Variants in ITGB1 observed in about 807,000 individuals in gnomAD.
ITGB1 encodes the protein integrin subunit beta 1.
ITGB1 carries 24 observed loss-of-function variants against 86.5 expected under a neutral mutation model. The ratio of observed to expected loss-of-function variants is 0.28; its 90% CI spans 0.20 to 0.39. ITGB1 has a LOEUF of 0.39. ITGB1 is among the 10% of genes least tolerant of loss of function. The pLI, the probability that ITGB1 is intolerant of heterozygous loss-of-function variation, is 1.00. For missense variants in ITGB1, 556 were observed against 946.9 expected (o/e 0.59, Z 5.42); for synonymous variants, 323 against 316.8 (o/e 1.02, Z -0.21).
At chr10:32,952,583 G>A (rs570057022) in intron 1 of ITGB1, among the ~76,000 whole-genome samples, 8 of 152,212 alleles carry the variant, frequency 5.3e-5, no homozygotes, top group South Asian at 2.1e-4. Flanking sequence ...CATAGATTAC[G>A]AAAGCTTAAG....
chr10:32,938,706 C>T (rs1163994412), intron 1 of ITGB1, among the ~76,000 whole-genome samples: 5 of 152,346 alleles, frequency 3.3e-5, no homozygotes, highest in South Asian at 2.1e-4. Flanking sequence ...TGTCAACGAT[C>T]CTGCGACTGG....
At chr10:32,926,294 T>C (rs1001885366) in intron 5 of ITGB1, among the ~76,000 whole-genome samples, 185 bp from the exon 6 acceptor site, 1 of 152,196 alleles carries the variant, frequency 6.6e-6, no homozygotes, top group African/African-American at 2.4e-5. Context: ...TAGGAAGTGG[T>C]TCCTTTGGAA....
At chr10:32,942,532 T>C (rs985323748) in intron 1 of ITGB1, among the ~76,000 whole-genome samples, 1 of 152,196 alleles carries the variant, frequency 6.6e-6, no homozygotes, top group African/African-American at 2.4e-5. Context: ...TTATAGCTAT[T>C]GCACCTAGAA....
At chr10:32,907,425 T>G (rs1261231916) in intron 15 of ITGB1, among the ~76,000 whole-genome samples, 3 of 152,192 alleles carry the variant, frequency 2.0e-5, no homozygotes, top group Non-Finnish European at 4.4e-5. Flanking sequence ...GACTCCATAT[T>G]TCAAAGCACT....
chr10:32,934,605 A>G (rs72784080), intron 2 of ITGB1, among the ~76,000 whole-genome samples: 11,009 of 152,310 alleles, frequency 0.072, 600 homozygotes, highest in South Asian at 0.25. Flanking sequence ...TGCTCATTTC[A>G]TAAGTGTAAA....
intron 11 of ITGB1, among the ~76,000 whole-genome samples, chr10:32,917,455 C>G (rs1251490136): frequency 6.6e-6 from 1 of 152,106 alleles, no homozygotes; most frequent in Non-Finnish European, 1.5e-5. Flanking sequence ...TGACAAAGGG[C>G]TAATATCCAG....
Position 32,929,841 on chromosome 10 carries a change from C to T in ITGB1, c.357G>A (p.Leu119=). ...CCATACCTGATCTTAATCGCAAAAC[C>T]AACTGCTGTGGTTGGATCTGAGTAA... The part of the protein sequence containing the change: ...EDITQIQPQQ[L]VLRLRSGEPQ... The change falls in exon 4 of 16, where the codon TTG becomes TTA. Residue 119 remains leucine (L), a synonymous_variant. Transcript: ENST00000302278. 1.2e-6 allele frequency: 2 copies of T among 1,609,824 alleles called. No homozygotes were observed. The highest frequency in any genetic ancestry group is 1.7e-6 in the Non-Finnish European group (2 of 1,176,206).
chr10:32,938,173 G>C (rs915509274), intron 1 of ITGB1, among the ~76,000 whole-genome samples: 1 of 152,164 alleles, frequency 6.6e-6, no homozygotes, highest in Non-Finnish European at 1.5e-5. Flanking sequence ...TGTCTAAAAG[G>C]TTTAGTGTGT....
chr10:32,920,108 C>G (rs755977363), intron 10 of ITGB1, 24 bp from the exon 11 acceptor site: 1 of 1,594,708 alleles, frequency 6.3e-7, no homozygotes, highest in Non-Finnish European at 8.6e-7. Flanking sequence ...AAAAGATTAA[C>G]AACCAACTAA....
At chr10:32,948,760 T>C (rs1387392758) in intron 1 of ITGB1, among the ~76,000 whole-genome samples, 2 of 152,140 alleles carry the variant, frequency 1.3e-5, no homozygotes, top group African/African-American at 2.4e-5. Flanking sequence ...GCCAACCCCT[T>C]GATAATGGAC....
At chr10:32,915,455 G>A (rs1593859964) in intron 11 of ITGB1, among the ~76,000 whole-genome samples, 2 of 152,022 alleles carry the variant, frequency 1.3e-5, no homozygotes, top group African/African-American at 2.4e-5. Flanking sequence ...GAATCAAATA[G>A]ATGCAATAAA....
intron 9 of ITGB1, among the ~76,000 whole-genome samples, chr10:32,921,799 T>C (rs961273526): frequency 6.6e-6 from 1 of 151,902 alleles, no homozygotes; most frequent in African/African-American, 2.4e-5. Context: ...TATATATGAG[T>C]GTGTACCTCC....
At chr10:32,925,774 A>T in intron 6 of ITGB1, 97 bp downstream of exon 6, 2 of 795,824 alleles carry the variant, frequency 2.5e-6, no homozygotes, top group South Asian at 3.3e-5. Context: ...ATCTATGAAA[A>T]TTAAGGTCAA....
At position 32,908,586 on chromosome 10, in the gene ITGB1, T is replaced by C. The variant is rs976333624; in HGVS notation, c.2165-52A>G. The C allele has an allele frequency of 4.0e-6, 6 of 1,507,092 alleles. No individual in the cohort carries two copies. In the African/African-American group the frequency reaches 8.4e-5, roughly 21 times the overall value. The allele number at this position is 1,507,092 out of a possible 1,614,324, so 93.4% of individuals were successfully genotyped here. On this transcript the variant is annotated intron_variant, in intron 14 of 15. Transcript: ENST00000302278. Reference sequence around the variant, plus strand: ...CACCACAAAGAGCTGTGCAGTGTCTTATAAAAAACATACAGGAATAAACAC... The same window carrying C: ...CACCACAAAGAGCTGTGCAGTGTCTCATAAAAAACATACAGGAATAAACAC...
intron 11 of ITGB1, 142 bp downstream of exon 11, chr10:32,919,740 AAAC>A (rs2137195955): frequency 6.5e-6 from 4 of 616,006 alleles, no homozygotes; most frequent in East Asian, 2.7e-5. Flanking sequence ...CAAGATCATC[AAAC>A]TGATCTTGTG....
Position 32,926,000 on chromosome 10 carries a change from G to A in ITGB1, c.657C>T (p.Tyr219=). The A allele has an allele frequency of 6.2e-7, 1 of 1,613,742 alleles. No individual in the cohort carries two copies. The highest frequency in any genetic ancestry group is 8.5e-7 in the Non-Finnish European group (1 of 1,179,678). The change falls in exon 6 of 16, where the codon TAC becomes TAT. Residue 219 remains tyrosine (Y), a synonymous_variant. Transcript: ENST00000302278. ...TATTAGTAAGACTGAGCACATTTTT[G>A]TAGCTAAATGGGCTGGTGCAGTTCT... ...SEQNCTSPFS[Y]KNVLSLTNKG... is the part of the protein sequence containing the mutation.
chr10:32,916,748 T>C (rs1227192015), intron 11 of ITGB1, among the ~76,000 whole-genome samples: 1 of 152,114 alleles, frequency 6.6e-6, no homozygotes, highest in Admixed American at 6.5e-5. Flanking sequence ...ATCAATATCG[T>C]GAAAATGGCC....
chr10:32,920,097 A>G lies in ITGB1; in HGVS notation c.1270-13T>C, dbSNP rs754917875. ...TTTCAAATTGAACCTTGAAGGGAAA[A>G]AAAAGATTAACAACCAACTAAACAA... On this transcript the variant is annotated splice_polypyrimidine_tract_variant and intron_variant, in intron 10 of 15. Coordinates refer to ENST00000302278, the MANE Select transcript of ITGB1 (RefSeq NM_002211.4). The G allele has an allele frequency of 1.2e-6, 2 of 1,606,534 alleles. No individual in the cohort carries two copies. The highest frequency in any genetic ancestry group is 3.4e-5 in the Admixed American group (2 of 59,666).
intron 1 of ITGB1, among the ~76,000 whole-genome samples, chr10:32,939,982 G>T (rs1487981017): frequency 6.6e-6 from 1 of 152,204 alleles, no homozygotes; most frequent in East Asian, 1.9e-4. Context: ...TCCTTCTTCG[G>T]GACCACTTCC....
Sources: gnomAD v4.1 joint callset for allele counts (sites outside exome capture counted in the v4.1 genomes callset) on GRCh38, gnomAD v4.1.1 for gene constraint, MANE v1.5 for transcripts, NCBI Gene and HGNC (gene_info 2026-07-23, HGNC 2026-07-21) for gene names.